Variants in TAB2 observed in about 807,000 individuals in gnomAD.
TAB2 encodes TGF-beta activated kinase 1 (MAP3K7) binding protein 2, also known as TGF-beta-activated kinase 1 and MAP3K7-binding protein 2.
In TAB2, 3 loss-of-function variants were observed where a neutral mutation model predicts 65.0. The observed-to-expected ratio is 0.05, with a 90% CI of 0.02 to 0.12. TAB2 has a LOEUF of 0.12. TAB2 is among the 10% of genes least tolerant of loss of function. TAB2 has a pLI of 1.00. For missense variants in TAB2, 623 were observed against 840.3 expected, an observed-to-expected ratio of 0.74 and a Z score of 3.20; for synonymous variants, 298 against 285.1, an observed-to-expected ratio of 1.05 and a Z score of -0.46.
intron 1 of TAB2, among the ~76,000 whole-genome samples, chr6:149,226,532 C>A (rs1777281728): frequency 1.3e-5 from 2 of 152,180 alleles, no homozygotes; most frequent in Admixed American, 6.5e-5. Flanking sequence ...TAGAAATCTA[C>A]AATAATATTT....
At chr6:149,375,753 G>C (rs912673968) in intron 2 of TAB2, among the ~76,000 whole-genome samples, 1 of 152,086 alleles carries the variant, frequency 6.6e-6, no homozygotes, top group African/African-American at 2.4e-5. Context: ...AATTATAATA[G>C]GAATCGTTGA....
intron 1 of TAB2, among the ~76,000 whole-genome samples, chr6:149,309,140 A>G (rs1779122220): frequency 6.6e-6 from 1 of 152,070 alleles, no homozygotes; most frequent in Non-Finnish European, 1.5e-5. Context: ...TTTAAACTTC[A>G]TGTAGTAAAA....
chr6:149,285,419 T>C (rs1252581098), intron 1 of TAB2, among the ~76,000 whole-genome samples: 11 of 152,142 alleles, frequency 7.2e-5, no homozygotes, highest in Admixed American at 7.2e-4. Context: ...TCCCATATCA[T>C]CCAGAGGTAG....
chr6:149,304,628 C>T (rs879809479), intron 1 of TAB2, among the ~76,000 whole-genome samples: 6 of 152,208 alleles, frequency 3.9e-5, no homozygotes, highest in Non-Finnish European at 5.9e-5. Context: ...ACTCTGCCTT[C>T]ACTTCACAAA....
At chr6:149,303,476 G>A (rs1272184291) in intron 1 of TAB2, among the ~76,000 whole-genome samples, 1 of 152,080 alleles carries the variant, frequency 6.6e-6, no homozygotes, top group Non-Finnish European at 1.5e-5. Flanking sequence ...AAATGTATGT[G>A]TGTGTGTTCA....
intron 1 of TAB2, among the ~76,000 whole-genome samples, chr6:149,256,532 C>T (rs764261735): frequency 3.9e-5 from 6 of 152,152 alleles, no homozygotes; most frequent in Non-Finnish European, 8.8e-5. Context: ...AGTATTCAAG[C>T]CCAAGTCTTA....
At chr6:149,320,165 C>T (rs573152560) in intron 1 of TAB2, among the ~76,000 whole-genome samples, 28 of 152,190 alleles carry the variant, frequency 1.8e-4, no homozygotes, top group Admixed American at 6.5e-5. Context: ...CAACCTCTGC[C>T]TCCCGGGTTC....
chr6:149,277,895 AG>A lies in TAB2; in HGVS notation c.-121+59121del, dbSNP rs559267074. 6.4e-4 allele frequency among the ~76,000 whole-genome samples: 97 copies of A among 152,320 alleles called. 1 individual carries two copies. In the South Asian group the frequency reaches 0.019, roughly 30 times the overall value. ...TAGTTTTAACTTGCAAATAGTCTGG[AG>A]GTAGTTTTAGAGACATGATTTGTGA... On this transcript the variant is annotated intron_variant, in intron 1 of 1. Coordinates refer to the TAB2 transcript ENST00000606202.
At chr6:149,323,577 C>T (rs976184483) in intron 1 of TAB2, among the ~76,000 whole-genome samples, 10 of 152,098 alleles carry the variant, frequency 6.6e-5, no homozygotes, top group African/African-American at 2.4e-4. Flanking sequence ...ACCAGCATCC[C>T]ACCTCCCATC....
intron 3 of TAB2, among the ~76,000 whole-genome samples, chr6:149,395,699 T>G (rs1028354248): frequency 2.0e-5 from 3 of 151,814 alleles, no homozygotes; most frequent in East Asian, 3.8e-4. Flanking sequence ...TGTTTTATTG[T>G]CAGAGCTTTT....
At chr6:149,349,437 A>AAC (rs1780417360) in intron 1 of TAB2, among the ~76,000 whole-genome samples, 2 of 150,908 alleles carry the variant, frequency 1.3e-5, no homozygotes, top group African/African-American at 4.9e-5. Flanking sequence ...AAAAAAAAAA[A>AAC]GGTAGTCAAG....
intron 1 of TAB2, among the ~76,000 whole-genome samples, chr6:149,335,393 G>A (rs1554259797): frequency 6.6e-6 from 1 of 151,680 alleles, no homozygotes; most frequent in Non-Finnish European, 1.5e-5. Flanking sequence ...TTGAGACAGG[G>A]TATTACTCTG....
At chr6:149,251,662 CAGG>C (rs1282104614) in intron 1 of TAB2, among the ~76,000 whole-genome samples, 1 of 152,188 alleles carries the variant, frequency 6.6e-6, no homozygotes, top group Non-Finnish European at 1.5e-5. Flanking sequence ...TCAAATAAGA[CAGG>C]AGAATGGTCT....
At chr6:149,319,209 G>T (rs1031471336) in intron 1 of TAB2, among the ~76,000 whole-genome samples, 23 of 152,190 alleles carry the variant, frequency 1.5e-4, no homozygotes, top group Non-Finnish European at 5.9e-5. Context: ...TTCCAGATTT[G>T]GCCGGGAATT....
At chr6:149,349,857 A>C (rs868560640) in intron 1 of TAB2, among the ~76,000 whole-genome samples, 11 of 152,144 alleles carry the variant, frequency 7.2e-5, no homozygotes, top group Admixed American at 7.2e-4. Context: ...CATCCACTTG[A>C]CATACACTAA....
chr6:149,281,425 A>G (rs1314825698), intron 1 of TAB2, among the ~76,000 whole-genome samples: 2 of 151,258 alleles, frequency 1.3e-5, no homozygotes, highest in African/African-American at 4.8e-5. Context: ...ATCGTAAAAA[A>G]TACTTGATTA....
At chr6:149,313,259 G>A (rs1198564636), upstream of TAB2, among the ~76,000 whole-genome samples, 1 of 151,834 alleles carries the variant, frequency 6.6e-6, no homozygotes, top group African/African-American at 2.4e-5. Context: ...AAACTCCCAC[G>A]CTCAGGAGAT....
chr6:149,319,315 ATATCT>A (rs1223684606), intron 1 of TAB2, among the ~76,000 whole-genome samples: 3 of 152,374 alleles, frequency 2.0e-5, no homozygotes, highest in Admixed American at 6.5e-5. Flanking sequence ...CTTTTAAAAA[ATATCT>A]TTACATTCTT....
intron 3 of TAB2, among the ~76,000 whole-genome samples, chr6:149,385,847 A>T (rs1781790577): frequency 6.6e-6 from 1 of 152,232 alleles, no homozygotes; most frequent in Non-Finnish European, 1.5e-5. Context: ...TTTAAAAAGT[A>T]TTATGAAAAT....
Sources: allele counts gnomAD v4.1 joint callset (sites outside exome capture counted in the v4.1 genomes callset), GRCh38; gene constraint gnomAD v4.1.1; transcripts MANE v1.5; gene names NCBI Gene and HGNC (gene_info 2026-07-23, HGNC 2026-07-21).